Variants in ROBO2 observed in about 807,000 individuals in gnomAD.
The protein encoded by ROBO2 is roundabout homolog 2.
A neutral mutation model predicts 160.8 loss-of-function variants in ROBO2; 53 were observed. The observed-to-expected ratio is 0.33, with a 90% confidence interval of 0.26 to 0.41. The LOEUF (loss-of-function observed/expected upper bound fraction) is 0.41, where lower values mean the gene tolerates loss of function less well. Ranked by LOEUF, ROBO2 falls within the 10% of genes least tolerant of loss-of-function variation. The pLI, the probability that ROBO2 is intolerant of heterozygous loss-of-function variation, is 1.00. For synonymous variants in ROBO2, 664 were observed against 611.7 expected, an observed-to-expected ratio of 1.09 and a Z score of -1.26; for missense variants, 1,577 against 1,722.4, an observed-to-expected ratio of 0.92 and a Z score of 1.49.
At chr3:76,495,041 C>A (rs2080066138) in intron 2 of ROBO2, among the ~76,000 whole-genome samples, 1 of 152,022 alleles carries the variant, frequency 6.6e-6, no homozygotes, top group Admixed American at 6.6e-5. Flanking sequence ...TGCTTAATTC[C>A]ATTTTATTAA....
At chr3:77,505,210 C>T (rs1041996480) in intron 5 of ROBO2, among the ~76,000 whole-genome samples, 2 of 152,086 alleles carry the variant, frequency 1.3e-5, no homozygotes, top group African/African-American at 4.8e-5. Context: ...TAGCTTGGAA[C>T]AGAGAAAGTT....
At chr3:77,026,430 C>T (rs554204157) in intron 2 of ROBO2, among the ~76,000 whole-genome samples, 1 of 152,296 alleles carries the variant, frequency 6.6e-6, no homozygotes, top group South Asian at 2.1e-4. Flanking sequence ...ACAGCAGTTT[C>T]ACATAAATAC....
chr3:76,571,915 G>T (rs1008469627), intron 2 of ROBO2, among the ~76,000 whole-genome samples: 4 of 152,100 alleles, frequency 2.6e-5, no homozygotes, highest in Non-Finnish European at 4.4e-5. Flanking sequence ...TTTGAGGTGG[G>T]AGGATCACTT....
intron 2 of ROBO2, among the ~76,000 whole-genome samples, chr3:76,678,210 A>G (rs1406074381): frequency 6.6e-6 from 1 of 151,930 alleles, no homozygotes; most frequent in East Asian, 1.9e-4. Flanking sequence ...ACCTCAGGTG[A>G]TCTGACCGCC....
At chr3:76,534,929 T>C (rs982768862) in intron 2 of ROBO2, among the ~76,000 whole-genome samples, 8 of 151,710 alleles carry the variant, frequency 5.3e-5, no homozygotes, top group African/African-American at 1.9e-4. Flanking sequence ...CATCAACATA[T>C]TGAGTAAGGT....
At chr3:77,423,974 T>C (rs1007702799) in intron 2 of ROBO2, among the ~76,000 whole-genome samples, 19 of 152,288 alleles carry the variant, frequency 1.2e-4, no homozygotes, top group African/African-American at 4.6e-4. Flanking sequence ...CTTTTTTTCT[T>C]TGAACTGGGA....
At chr3:76,075,472 A>ATTTTTTTTTT (rs10686575) in intron 2 of ROBO2, among the ~76,000 whole-genome samples, 1 of 143,474 alleles carries the variant, frequency 7.0e-6, no homozygotes. Flanking sequence ...GACTTTTCCT[A>ATTTTTTTTTT]TTTTTTTTTT....
intron 2 of ROBO2, among the ~76,000 whole-genome samples, chr3:76,885,708 A>T (rs2148779769): frequency 6.6e-6 from 1 of 152,312 alleles, no homozygotes; most frequent in South Asian, 2.1e-4. Context: ...TATGAACTAT[A>T]TCAGGTACCT....
rs556469453 is a variant in ROBO2 at position 77,240,889 on chromosome 3, T to G, written c.388+142549T>G. 2.0e-4 allele frequency among the ~76,000 whole-genome samples: 30 copies of G among 152,300 alleles called. 1 individual carries two copies. The highest frequency in any genetic ancestry group is 6.5e-4 in the African/African-American group (27 of 41,582). On this transcript the variant is annotated intron_variant, in intron 2 of 25. Coordinates refer to ENST00000461745, the Ensembl canonical transcript of ROBO2. ...TTTATAAAGCAGCCCAAGTGTCACA[T>G]GAAAGTGAAAACACACAATGAAAAT...
chr3:76,141,117 CT>C (rs2071629689), intron 2 of ROBO2, among the ~76,000 whole-genome samples: 1 of 10,980 alleles, frequency 9.1e-5, no homozygotes, highest in Non-Finnish European at 1.7e-4. Flanking sequence ...AGCTACCATG[CT>C]CTCTCTCTCT....
intron 2 of ROBO2, among the ~76,000 whole-genome samples, chr3:77,109,975 A>C (rs534179872): frequency 6.6e-6 from 1 of 152,340 alleles, no homozygotes; most frequent in African/African-American, 2.4e-5. Context: ...TTTGGCGCAA[A>C]CAATTCTGTG....
intron 3 of ROBO2, among the ~76,000 whole-genome samples, chr3:77,478,135 C>T (rs1318712381): frequency 6.6e-6 from 1 of 152,024 alleles, no homozygotes; most frequent in Non-Finnish European, 1.5e-5. Context: ...GATGTTTTAG[C>T]TCTTTTATAA....
At chr3:76,554,324 T>C (rs999509791) in intron 2 of ROBO2, among the ~76,000 whole-genome samples, 4 of 152,190 alleles carry the variant, frequency 2.6e-5, no homozygotes, top group Non-Finnish European at 5.9e-5. Context: ...ACAGTAATTA[T>C]CTCCAGGAGT....
intron 2 of ROBO2, among the ~76,000 whole-genome samples, chr3:76,416,379 A>C (rs745591838): frequency 6.6e-6 from 1 of 151,964 alleles, no homozygotes; most frequent in Non-Finnish European, 1.5e-5. Context: ...CTTTGAAAGG[A>C]TTATTTGCTT....
intron 2 of ROBO2, among the ~76,000 whole-genome samples, chr3:76,712,682 A>T (rs264548): frequency 0.39 from 58,775 of 151,342 alleles, 12,151 homozygotes; most frequent in Non-Finnish European, 0.47. Context: ...CTCAAAAAAA[A>T]AATAATAATA....
At chr3:76,311,666 G>C (rs1403017440) in intron 2 of ROBO2, among the ~76,000 whole-genome samples, 1 of 152,204 alleles carries the variant, frequency 6.6e-6, no homozygotes, top group Admixed American at 6.5e-5. Flanking sequence ...CAGGGAGACT[G>C]TAAGAGCAGA....
chr3:76,778,133 C>A (rs781593028), intron 2 of ROBO2, among the ~76,000 whole-genome samples: 4 of 150,974 alleles, frequency 2.6e-5, no homozygotes, highest in Non-Finnish European at 5.9e-5. Context: ...AAGTGGTGAG[C>A]CTCCCCTGCT....
intron 5 of ROBO2, among the ~76,000 whole-genome samples, chr3:77,494,980 G>T (rs907341390): frequency 6.6e-6 from 1 of 152,170 alleles, no homozygotes; most frequent in African/African-American, 2.4e-5. Flanking sequence ...TAAAGGAATG[G>T]TATTAGTAGA....
chr3:76,739,127 T>G (rs992755349), intron 2 of ROBO2, among the ~76,000 whole-genome samples: 3 of 152,184 alleles, frequency 2.0e-5, no homozygotes, highest in Non-Finnish European at 4.4e-5. Flanking sequence ...ATCTCATTAC[T>G]GGGTATATAC....
Sources: gnomAD v4.1 joint callset for allele counts (sites outside exome capture counted in the v4.1 genomes callset) on GRCh38, gnomAD v4.1.1 for gene constraint, MANE v1.5 for transcripts, NCBI Gene and HGNC (gene_info 2026-07-23, HGNC 2026-07-21) for gene names.